The following AKAP10 variants were observed in gnomAD, a reference collection of about 807,000 sequenced individuals.
AKAP10 encodes the protein A-kinase anchor protein 10, mitochondrial.
A neutral mutation model predicts 80.8 loss-of-function variants in AKAP10; 24 were observed. The ratio of observed to expected loss-of-function variants is 0.30; its 90% CI spans 0.22 to 0.42. The LOEUF is 0.42. Ranked by LOEUF, AKAP10 falls within the 10% of genes least tolerant of loss-of-function variation. The probability of loss-of-function intolerance (pLI) is 1.00; values close to 1 mark genes in which losing one functional copy is unlikely to be tolerated. For synonymous variants in AKAP10, 291 were observed against 277.7 expected (o/e 1.05, Z -0.48); for missense variants, 661 against 794.9 (o/e 0.83, Z 2.03).
At chr17:19,952,938 C>T (rs1328618688) in intron 4 of AKAP10, among the ~76,000 whole-genome samples, 1 of 152,106 alleles carries the variant, frequency 6.6e-6, no homozygotes, top group African/African-American at 2.4e-5. Flanking sequence ...ATCAACTTGA[C>T]ATTTATAGAA....
chr17:19,962,720 T>G (rs1168609677), intron 3 of AKAP10, 120 bp downstream of exon 3: 1 of 1,052,274 alleles, frequency 9.5e-7, no homozygotes, highest in Non-Finnish European at 1.4e-6. Context: ...AGCTGTTATT[T>G]TAAATACATT....
chr17:19,910,608 T>C (rs1461449085), intron 12 of AKAP10, among the ~76,000 whole-genome samples: 7 of 152,216 alleles, frequency 4.6e-5, no homozygotes. Context: ...TGGCAAACAT[T>C]AAAAAACAAA....
At chr17:19,948,107 C>T in intron 4 of AKAP10, among the ~76,000 whole-genome samples, 1 of 152,074 alleles carries the variant, frequency 6.6e-6, no homozygotes, top group Non-Finnish European at 1.5e-5. Context: ...TAGAGAATAT[C>T]ATCCGTTGAT....
intron 9 of AKAP10, among the ~76,000 whole-genome samples, chr17:19,935,585 CTTAT>C (rs2042983599): frequency 1.3e-5 from 2 of 151,752 alleles, no homozygotes; most frequent in South Asian, 4.2e-4. Context: ...TCATTATATC[CTTAT>C]TTTATAAGCT....
intron 8 of AKAP10, among the ~76,000 whole-genome samples, chr17:19,938,608 G>T (rs754238573): frequency 3.3e-5 from 5 of 152,092 alleles, no homozygotes; most frequent in Admixed American, 6.6e-5. Flanking sequence ...ACAGACTAAT[G>T]TTCAGGAACC....
chr17:19,970,125 T>C (rs919441530), intron 1 of AKAP10, among the ~76,000 whole-genome samples: 1 of 152,190 alleles, frequency 6.6e-6, no homozygotes, highest in Non-Finnish European at 1.5e-5. Flanking sequence ...TCTTCCATAA[T>C]TCCACTTGTC....
In AKAP10 at chr17:19,909,669, T is replaced by G. The variant is rs141424797; in HGVS notation, c.1887+257A>C. On this transcript the variant is annotated intron_variant, in intron 13 of 14. Coordinates refer to ENST00000225737, the MANE Select transcript of AKAP10 (RefSeq NM_007202.4). Reference sequence around the variant, plus strand: ...CTACACACTGATTACTGATGCCTGCTGGCTGATGGAAACTTGAATGCATGT... The same window carrying G: ...CTACACACTGATTACTGATGCCTGCGGGCTGATGGAAACTTGAATGCATGT... Among the ~76,000 whole-genome samples, 580 of 152,338 alleles carry G rather than the reference T, an allele frequency of 3.8e-3. 2 individuals carry two copies. Among genetic ancestry groups the G allele is most frequent in the African/African-American group, 0.013 (522 of 41,578 alleles).
At chr17:19,925,572 A>C (rs1328701262) in intron 10 of AKAP10, among the ~76,000 whole-genome samples, 1 of 152,248 alleles carries the variant, frequency 6.6e-6, no homozygotes, top group Non-Finnish European at 1.5e-5. Flanking sequence ...ATATTGATGG[A>C]AAATGACTTA....
chr17:19,953,322 T>C (rs1002784927), intron 4 of AKAP10, among the ~76,000 whole-genome samples: 4 of 150,110 alleles, frequency 2.7e-5, no homozygotes, highest in Non-Finnish European at 3.0e-5. Context: ...AAACCAGAAA[T>C]CTAAGTTTCT....
At chr17:19,973,503 G>C (rs982098620) in intron 1 of AKAP10, among the ~76,000 whole-genome samples, 1 of 152,190 alleles carries the variant, frequency 6.6e-6, no homozygotes, top group Non-Finnish European at 1.5e-5. Context: ...TTACAGATCA[G>C]TCTATCTTTT....
At chr17:19,937,585 T>C (rs931587752) in intron 8 of AKAP10, among the ~76,000 whole-genome samples, 1 of 152,224 alleles carries the variant, frequency 6.6e-6, no homozygotes, top group Non-Finnish European at 1.5e-5. Context: ...CTATGTTGTA[T>C]TGAGTAAGTT....
intron 9 of AKAP10, among the ~76,000 whole-genome samples, chr17:19,933,960 T>C (rs2042965905): frequency 6.6e-6 from 1 of 152,192 alleles, no homozygotes; most frequent in African/African-American, 2.4e-5. Context: ...TTGCTCTTGT[T>C]GCCCAGGCTG....
chr17:19,964,548 A>C (rs1447850071), intron 2 of AKAP10, among the ~76,000 whole-genome samples: 2 of 152,126 alleles, frequency 1.3e-5, no homozygotes, highest in African/African-American at 4.8e-5. Flanking sequence ...CAGAGCAATA[A>C]TTTTCAAACT....
At chr17:19,912,553 A>G (rs547424868) in intron 12 of AKAP10, among the ~76,000 whole-genome samples, 1 of 151,956 alleles carries the variant, frequency 6.6e-6, no homozygotes, top group African/African-American at 2.4e-5. Flanking sequence ...AAACAAAACG[A>G]AACAAAAACA....
intron 5 of AKAP10, among the ~76,000 whole-genome samples, chr17:19,946,089 T>C (rs1422562173): frequency 1.4e-5 from 2 of 139,692 alleles, no homozygotes; most frequent in African/African-American, 5.4e-5. Context: ...TGAGATACTT[T>C]GATTTTTTTA....
At chr17:19,921,702 T>G (rs1481748046) in intron 11 of AKAP10, among the ~76,000 whole-genome samples, 1 of 152,040 alleles carries the variant, frequency 6.6e-6, no homozygotes, top group East Asian at 1.9e-4. Flanking sequence ...AAAAAAAAAT[T>G]TTTTAATCTG....
At chr17:19,964,882 G>A (rs958028477) in intron 2 of AKAP10, among the ~76,000 whole-genome samples, 1 of 152,148 alleles carries the variant, frequency 6.6e-6, no homozygotes, top group Admixed American at 6.6e-5. Context: ...GCAACAGAGC[G>A]AGAATCTGTC....
intron 13 of AKAP10, 88 bp from the exon 14 acceptor site, chr17:19,909,364 C>A: frequency 1.7e-6 from 2 of 1,151,734 alleles, no homozygotes; most frequent in African/African-American, 1.6e-5. Context: ...AAATGGCTTA[C>A]GCACATAATT....
rs761064547 is a variant in AKAP10, at chr17:19,958,243, A to G, written c.648T>C (p.Phe216=). ...GGTCAATTCCTTCTGAATGAGTCAT[A>G]AACAACTGTGCTGAGCCAGAATCCT... ...RLEDSGSAQL[F]MTHSEGIDLN... The change falls in exon 4 of 15, where the codon TTT becomes TTC. Residue 216 remains phenylalanine (F), a synonymous_variant. Transcript: ENST00000225737. 1 of 1,614,214 alleles carries G rather than the reference A, an allele frequency of 6.2e-7. No individual in the cohort carries two copies. The highest frequency in any genetic ancestry group is 1.7e-5 in the Admixed American group (1 of 60,024).
Sources: allele counts gnomAD v4.1 joint callset (sites outside exome capture counted in the v4.1 genomes callset), GRCh38; gene constraint gnomAD v4.1.1; transcripts MANE v1.5; gene names NCBI Gene and HGNC (gene_info 2026-07-23, HGNC 2026-07-21).